SUSD6: variants seen among roughly 807,000 people sequenced by gnomAD.
The protein encoded by SUSD6 is sushi domain containing 6.
SUSD6 carries 16 observed loss-of-function variants against 28.4 expected under a neutral mutation model. The ratio of observed to expected loss-of-function variants is 0.56; its 90% CI spans 0.38 to 0.86. SUSD6 has a LOEUF of 0.86. Ranked by LOEUF, SUSD6 falls within the 40% of genes least tolerant of loss-of-function variation. SUSD6 has a pLI of 0.00. For synonymous variants in SUSD6, 147 were observed against 159.6 expected, an observed-to-expected ratio of 0.92 and a Z score of 0.59; for missense variants, 341 against 384.2, an observed-to-expected ratio of 0.89 and a Z score of 0.94.
chr14:69,664,434 G>A (rs533208945), intron 2 of SUSD6, among the ~76,000 whole-genome samples: 28 of 152,146 alleles, frequency 1.8e-4, no homozygotes, highest in Non-Finnish European at 3.4e-4. Context: ...CAAAACATCC[G>A]CAAAGCATCT....
At chr14:69,667,004 A>G (rs1885752011) in intron 2 of SUSD6, among the ~76,000 whole-genome samples, 1 of 152,192 alleles carries the variant, frequency 6.6e-6, no homozygotes, top group Admixed American at 6.5e-5. Flanking sequence ...AATTCTTCCC[A>G]TGTAGTAGAC....
At chr14:69,692,442 G>C (rs1185181365) in intron 2 of SUSD6, among the ~76,000 whole-genome samples, 2 of 152,126 alleles carry the variant, frequency 1.3e-5, no homozygotes, top group Non-Finnish European at 2.9e-5. Flanking sequence ...TTAGAATCCA[G>C]GTGACCTCAG....
At chr14:69,635,638 C>CACAT (rs1566591565) in intron 1 of SUSD6, among the ~76,000 whole-genome samples, 1 of 136,582 alleles carries the variant, frequency 7.3e-6, no homozygotes, top group East Asian at 2.1e-4. Flanking sequence ...CACACACACA[C>CACAT]ACACATTTTC....
In SUSD6 at chr14:69,712,768, C is replaced by T. The variant is rs1886483543; in HGVS notation, c.*1789C>T. 6.6e-6 allele frequency: 1 copy of T among 152,630 alleles called. No homozygotes were observed. The highest frequency in any genetic ancestry group is 2.4e-5 in the African/African-American group (1 of 41,448). The allele number at this position is 152,630 out of a possible 1,614,324, so 9.5% of individuals were successfully genotyped here. A position where few individuals can be genotyped will look rare whatever the true frequency, so the allele number is the denominator to read the frequency against. On this transcript the variant is annotated 3_prime_UTR_variant, in exon 6 of 6. Transcript: ENST00000342745. ...ACTTGTAGTCTTCCTTCCTTCCTCTCAGGGTAAGGGCAGTGCCTGCTGTGC... is the reference window on the plus strand; with the variant it reads ...ACTTGTAGTCTTCCTTCCTTCCTCTTAGGGTAAGGGCAGTGCCTGCTGTGC...
intron 2 of SUSD6, among the ~76,000 whole-genome samples, chr14:69,684,558 T>A (rs1886044112): frequency 6.6e-6 from 1 of 152,234 alleles, no homozygotes; most frequent in South Asian, 2.1e-4. Context: ...TTCTTAATGG[T>A]CAGAAAATGA....
intron 1 of SUSD6, among the ~76,000 whole-genome samples, chr14:69,612,495 T>A (rs1884894443): frequency 6.6e-6 from 1 of 151,952 alleles, no homozygotes; most frequent in African/African-American, 2.4e-5. Flanking sequence ...CAGCTATGAG[T>A]GTGGATCTGA....
At chr14:69,654,190 C>G (rs186687204) in intron 1 of SUSD6, among the ~76,000 whole-genome samples, 1 of 152,306 alleles carries the variant, frequency 6.6e-6, no homozygotes, top group Admixed American at 6.5e-5. Context: ...TGATCAGGAA[C>G]TCATACATGT....
At chr14:69,637,855 A>T (rs1226263106) in intron 1 of SUSD6, among the ~76,000 whole-genome samples, 2 of 152,134 alleles carry the variant, frequency 1.3e-5, no homozygotes, top group Non-Finnish European at 2.9e-5. Context: ...GTGGGGCAGC[A>T]GCATAGTCAC....
intron 1 of SUSD6, among the ~76,000 whole-genome samples, chr14:69,625,481 C>T (rs1355602625): frequency 2.6e-5 from 4 of 152,160 alleles, no homozygotes; most frequent in African/African-American, 4.8e-5. Flanking sequence ...TGTTTCAGTG[C>T]AGCCCTGTCA....
At chr14:69,670,488 G>A (rs1467454562) in intron 2 of SUSD6, 1 of 456,704 alleles carries the variant, frequency 2.2e-6, no homozygotes, top group Non-Finnish European at 4.4e-6. Context: ...AGGGAGAGAA[G>A]TCTACACTGA....
At chr14:69,693,840 T>C (rs1886186323) in intron 2 of SUSD6, among the ~76,000 whole-genome samples, 1 of 152,208 alleles carries the variant, frequency 6.6e-6, no homozygotes, top group African/African-American at 2.4e-5. Context: ...TCTTACTCCA[T>C]GTGGCTCTGG....
intron 1 of SUSD6, among the ~76,000 whole-genome samples, chr14:69,643,062 G>C (rs906197096): frequency 4.6e-5 from 7 of 152,146 alleles, no homozygotes; most frequent in African/African-American, 1.7e-4. Flanking sequence ...ACTCTCAAGG[G>C]AGTTAAGTGG....
intron 1 of SUSD6, among the ~76,000 whole-genome samples, chr14:69,649,646 A>C (rs968731110): frequency 6.6e-6 from 1 of 152,218 alleles, no homozygotes; most frequent in Non-Finnish European, 1.5e-5. Context: ...TGGTCTCTGC[A>C]GGAGTTTATT....
intron 1 of SUSD6, among the ~76,000 whole-genome samples, chr14:69,612,257 G>T (rs1272756010): frequency 2.6e-5 from 4 of 152,146 alleles, no homozygotes; most frequent in Non-Finnish European, 5.9e-5. Context: ...GCAAAGCTGC[G>T]GGGCTTGCGC....
chr14:69,690,035 G>A (rs1886131861), intron 2 of SUSD6, among the ~76,000 whole-genome samples: 1 of 152,212 alleles, frequency 6.6e-6, no homozygotes, highest in Non-Finnish European at 1.5e-5. Flanking sequence ...GAGATTAAAG[G>A]TATTTTCTGT....
intron 4 of SUSD6, among the ~76,000 whole-genome samples, chr14:69,707,746 C>A (rs996795952): frequency 6.6e-6 from 1 of 151,712 alleles, no homozygotes; most frequent in South Asian, 2.1e-4. Flanking sequence ...GACCCTTTCT[C>A]AAAAGAAAAA....
rs1215454333 is a variant in SUSD6, at chr14:69,713,166, C to G, written c.*2187C>G. The G allele has an allele frequency of 2.0e-5, 3 of 152,210 alleles. No homozygotes were observed. The highest frequency in any genetic ancestry group is 4.8e-5 in the African/African-American group (2 of 41,446). The allele number at this position is 152,210 out of a possible 1,614,324, so 9.4% of individuals were successfully genotyped here. On this transcript the variant is annotated 3_prime_UTR_variant, in exon 6 of 6. Coordinates refer to ENST00000342745, the MANE Select transcript of SUSD6 (RefSeq NM_014734.4). ...CTTGTTACTCTGGGGTTTTGTCCCCCTAAGAGATTGCACTTTTTGTTTGGG... is the reference window on the plus strand; with the variant it reads ...CTTGTTACTCTGGGGTTTTGTCCCCGTAAGAGATTGCACTTTTTGTTTGGG...
chr14:69,702,114 G>A (rs1886320770), intron 2 of SUSD6, among the ~76,000 whole-genome samples: 1 of 152,172 alleles, frequency 6.6e-6, no homozygotes, highest in Non-Finnish European at 1.5e-5. Flanking sequence ...AGTCACTCCA[G>A]GCCTGTCAGA....
rs1259166772 is a variant in SUSD6 at position 69,663,267 on chromosome 14, A to AT, written c.121+4561dup. On this transcript the variant is annotated intron_variant, in intron 2 of 5. Transcript: ENST00000342745. Reference sequence around the variant, plus strand: ...AAACTCAGTATTTTACTTGTTTCTGATTTTTTTCCCCTTAAAATGTTGCCA... The same window carrying AT: ...AAACTCAGTATTTTACTTGTTTCTGATTTTTTTTCCCCTTAAAATGTTGCCA... Among the ~76,000 whole-genome samples, 8 of 152,176 alleles carry AT rather than the reference A, an allele frequency of 5.3e-5. No individual in the cohort carries two copies. In the South Asian group the frequency reaches 1.0e-3, roughly 20 times the overall value.
Sources: gnomAD v4.1 joint callset for allele counts (sites outside exome capture counted in the v4.1 genomes callset) on GRCh38, gnomAD v4.1.1 for gene constraint, MANE v1.5 for transcripts, NCBI Gene and HGNC (gene_info 2026-07-23, HGNC 2026-07-21) for gene names.